The following PTPRC variants were observed in gnomAD, a reference collection of about 807,000 sequenced individuals.
The protein encoded by PTPRC is receptor-type tyrosine-protein phosphatase C.
In PTPRC, 44 loss-of-function variants were observed where a neutral mutation model predicts 155.9. That is an observed-to-expected ratio of 0.28 (90% CI 0.22 to 0.36). The LOEUF (loss-of-function observed/expected upper bound fraction) is 0.36, where lower values mean the gene tolerates loss of function less well. Ranked by LOEUF, PTPRC falls within the 10% of genes least tolerant of loss-of-function variation. The pLI, the probability that PTPRC is intolerant of heterozygous loss-of-function variation, is 1.00. For missense variants in PTPRC, 1,401 were observed against 1,564.6 expected (o/e 0.90, Z 1.76); for synonymous variants, 525 against 533.1 (o/e 0.98, Z 0.21).
Position 198,712,719 on chromosome 1 carries a change from C to CGGGGG in PTPRC, c.1172-234_1172-233insGGGGG, listed in dbSNP as rs2102427698. ...AAAGGAAGAGGGGGTTCTTAGATATCTTCAAGTCAGTGGAATGCTTAGGTT... is the reference window on the plus strand; with the variant it reads ...AAAGGAAGAGGGGGTTCTTAGATATCGGGGGTTCAAGTCAGTGGAATGCTTAGGTT... On this transcript the variant is annotated intron_variant, in intron 11 of 32. Coordinates refer to ENST00000442510, the MANE Select transcript of PTPRC (RefSeq NM_002838.5). The CGGGGG allele has an allele frequency of 5.7e-6, 3 of 530,754 alleles. No individual in the cohort carries two copies. In the East Asian group the frequency reaches 1.0e-4, roughly 18 times the overall value. The allele number at this position is 530,754 out of a possible 1,614,324, so 32.9% of individuals were successfully genotyped here. A position where few individuals can be genotyped will look rare whatever the true frequency, so the allele number is the denominator to read the frequency against.
chr1:198,717,165 G>A (rs1228967581), intron 13 of PTPRC, among the ~76,000 whole-genome samples: 1 of 152,174 alleles, frequency 6.6e-6, no homozygotes, highest in Admixed American at 6.5e-5. Context: ...TTACTATCTG[G>A]AAATATTAAT....
intron 10 of PTPRC, 44 bp from the exon 11 acceptor site, chr1:198,709,643 A>C: frequency 7.0e-7 from 1 of 1,429,478 alleles, no homozygotes; most frequent in Non-Finnish European, 9.6e-7. Context: ...GTGTGCGTGA[A>C]ATATTGCATC....
At chr1:198,689,499 T>C (rs1003455819) in intron 2 of PTPRC, among the ~76,000 whole-genome samples, 1 of 150,072 alleles carries the variant, frequency 6.7e-6, no homozygotes, top group South Asian at 2.1e-4. Context: ...GTGGAATTAG[T>C]GGTGCAGGTA....
rs754864319 is a variant in PTPRC, at chr1:198,692,393, T to A, written c.100+20T>A. On this transcript the variant is annotated intron_variant, in intron 3 of 32. Coordinates refer to ENST00000442510, the MANE Select transcript of PTPRC (RefSeq NM_002838.5). ...CCACTGGTAAGAATTAATATTTATA[T>A]TTTTACTAATTTTATTTTCTTGTTG... 6.5e-6 allele frequency: 9 copies of A among 1,384,340 alleles called. No individual in the cohort carries two copies. The highest frequency in any genetic ancestry group is 7.6e-6 in the Non-Finnish European group (8 of 1,050,324). The allele number at this position is 1,384,340 out of a possible 1,614,324, so 85.8% of individuals were successfully genotyped here. A position where few individuals can be genotyped will look rare whatever the true frequency, so the allele number is the denominator to read the frequency against.
chr1:198,752,658 C>A lies in PTPRC; in HGVS notation c.3395C>A (p.Ala1132Glu). The A allele has an allele frequency of 6.2e-7, 1 of 1,612,778 alleles. No homozygotes were observed. The highest frequency in any genetic ancestry group is 8.5e-7 in the Non-Finnish European group (1 of 1,179,222). The change falls in exon 31 of 33, where the codon GCA (alanine) becomes GAA (glutamate). Residue 1132 changes from alanine (A) to glutamate (E), a missense_variant. Around this residue, in one of 3 missense-constraint regions of PTPRC, gnomAD observed 400 missense variants for 389.5 expected, o/e 1.03. Transcript: ENST00000442510. ...YTNWSVEQLP[A>E]EPKELISMIQ... ...AACTGGAGTGTGGAGCAGCTTCCTG[C>A]AGAACCCAAGGAATTAATCTCTATG...
At chr1:198,724,244 G>A (rs1234278726) in intron 15 of PTPRC, among the ~76,000 whole-genome samples, 1 of 152,150 alleles carries the variant, frequency 6.6e-6, no homozygotes, top group African/African-American at 2.4e-5. Flanking sequence ...AGTGATATCT[G>A]TTCCAGGAAA....
intron 31 of PTPRC, among the ~76,000 whole-genome samples, chr1:198,753,259 CAT>C (rs2102550171): frequency 6.6e-6 from 1 of 152,030 alleles, no homozygotes; most frequent in African/African-American, 2.4e-5. Context: ...ATTTGAAACT[CAT>C]TATTTAATTT....
At chr1:198,717,992 A>G in intron 13 of PTPRC, 102 bp from the exon 14 acceptor site, 1 of 987,208 alleles carries the variant, frequency 1.0e-6, no homozygotes, top group Non-Finnish European at 1.6e-6. Flanking sequence ...ATAACCCCCA[A>G]GCTAACACTT....
intron 11 of PTPRC, 95 bp downstream of exon 11, chr1:198,709,919 T>C: frequency 6.6e-7 from 1 of 1,505,304 alleles, no homozygotes; most frequent in Non-Finnish European, 9.1e-7. Context: ...GTCTTTTTGC[T>C]GTTTTTGATA....
intron 3 of PTPRC, chr1:198,694,856 T>A (rs2102377825): frequency 2.1e-6 from 2 of 966,490 alleles, no homozygotes; most frequent in Middle Eastern, 5.3e-4. Context: ...AAGTTAGACC[T>A]GATTTTACAC....
At position 198,718,222 on chromosome 1, in the gene PTPRC, A is replaced by T. The variant is rs1213903585; in HGVS notation, c.1579A>T (p.Thr527Ser). 1.4e-5 allele frequency: 22 copies of T among 1,613,932 alleles called. No individual in the cohort carries two copies. Among genetic ancestry groups the T allele is most frequent in the Non-Finnish European group, 1.9e-5 (22 of 1,179,990 alleles). ...CCATTTGGAAGTTGAAGCTGGAAAT[A>T]CTCTGGTTAGAAATGAGTCGCATAA... is the stretch of plus-strand genomic sequence containing the variant. ...RYHLEVEAGN[T>S]LVRNESHKNC... is the part of the protein sequence containing the mutation. The change falls in exon 14 of 33, where the codon ACT (threonine) becomes TCT (serine). Residue 527 changes from threonine (T) to serine (S), a missense_variant. By Grantham distance (58) the Thr-to-Ser change is moderately conservative (BLOSUM62 1). This residue lies in a region of PTPRC where 867 missense variants were observed against 970.4 expected (regional missense o/e 0.89). Coordinates refer to ENST00000442510, the MANE Select transcript of PTPRC (RefSeq NM_002838.5).
chr1:198,753,047 A>C (rs1655459115), intron 31 of PTPRC, among the ~76,000 whole-genome samples: 1 of 152,044 alleles, frequency 6.6e-6, no homozygotes, highest in African/African-American at 2.4e-5. Context: ...TGAGCCAGGA[A>C]TGTCATTTGT....
chr1:198,673,482 A>G (rs1664766650), intron 2 of PTPRC, among the ~76,000 whole-genome samples: 3 of 152,208 alleles, frequency 2.0e-5, no homozygotes. Context: ...ACATATATAT[A>G]TGACCTAGTA....
chr1:198,717,731 G>A (rs1653662729), intron 13 of PTPRC, among the ~76,000 whole-genome samples: 1 of 152,106 alleles, frequency 6.6e-6, no homozygotes, highest in African/African-American at 2.4e-5. Context: ...GGTCTAGATT[G>A]TGTAATAGGA....
chr1:198,717,697 A>G (rs1653660476), intron 13 of PTPRC, among the ~76,000 whole-genome samples: 1 of 152,176 alleles, frequency 6.6e-6, no homozygotes, highest in Non-Finnish European at 1.5e-5. Context: ...TTACCAGGAT[A>G]ACATTAGCAC....
intron 31 of PTPRC, 32 bp from the exon 32 acceptor site, chr1:198,754,237 G>T: frequency 6.3e-7 from 1 of 1,588,184 alleles, no homozygotes; most frequent in Non-Finnish European, 8.6e-7. Context: ...GTGAGAAGTA[G>T]GATTATTTTC....
At chr1:198,676,306 A>G (rs1000332144) in intron 2 of PTPRC, among the ~76,000 whole-genome samples, 1 of 152,220 alleles carries the variant, frequency 6.6e-6, no homozygotes, top group African/African-American at 2.4e-5. Context: ...CAGCCAATCA[A>G]CAGGAGGAAT....
rs761720548 is a variant in PTPRC, at chr1:198,755,902, C to T, written c.3646-4C>T. The T allele has an allele frequency of 2.5e-6, 4 of 1,607,096 alleles. No individual in the cohort carries two copies. Among genetic ancestry groups the T allele is most frequent in the Non-Finnish European group, 2.6e-6 (3 of 1,174,302 alleles). On this transcript the variant is annotated splice_region_variant and splice_polypyrimidine_tract_variant and intron_variant, in intron 32 of 32. Coordinates refer to ENST00000442510, the MANE Select transcript of PTPRC (RefSeq NM_002838.5). ...TGTAATTTCCCACTTAATTCCTTTA[C>T]TAGGAGCAATATCAATTCCTATATG...
At chr1:198,664,329 C>T (rs1044305966) in intron 2 of PTPRC, among the ~76,000 whole-genome samples, 1 of 152,058 alleles carries the variant, frequency 6.6e-6, no homozygotes, top group South Asian at 2.1e-4. Context: ...ACTGTTTTGG[C>T]AGCAAAACGA....
Sources: allele counts gnomAD v4.1 joint callset (sites outside exome capture counted in the v4.1 genomes callset), GRCh38; gene constraint gnomAD v4.1.1; regional missense constraint gnomAD v4.1.1; transcripts MANE v1.5; gene names NCBI Gene and HGNC (gene_info 2026-07-23, HGNC 2026-07-21).